Variants in MIS18BP1 observed in about 807,000 individuals in gnomAD.
The protein encoded by MIS18BP1 is MIS18 binding protein 1.
MIS18BP1 carries 72 observed loss-of-function variants against 116.1 expected under a neutral mutation model. The ratio of observed to expected loss-of-function variants is 0.62; its 90% CI spans 0.51 to 0.75. The LOEUF (loss-of-function observed/expected upper bound fraction) is 0.75. MIS18BP1 is among the 30% of genes least tolerant of loss of function. The probability of loss-of-function intolerance (pLI) is 0.00; values close to 1 mark genes in which losing one functional copy is unlikely to be tolerated. For missense variants in MIS18BP1, 1,363 were observed against 1,303.2 expected (o/e 1.05, Z -0.71); for synonymous variants, 386 against 427.0 (o/e 0.90, Z 1.18).
At chr14:45,226,937 A>ACTTACAG in intron 9 of MIS18BP1, 101 bp from the exon 10 acceptor site, 1 of 1,039,848 alleles carries the variant, frequency 9.6e-7, no homozygotes, top group South Asian at 2.6e-5. Flanking sequence ...ATTTCTAGGT[A>ACTTACAG]CTTACAGTTC....
At chr14:45,207,895 G>A (rs1301796721) in intron 14 of MIS18BP1, among the ~76,000 whole-genome samples, 2 of 152,110 alleles carry the variant, frequency 1.3e-5, no homozygotes, top group African/African-American at 4.8e-5. Flanking sequence ...CATAACATAA[G>A]TGAATCTATC....
At position 45,246,818 on chromosome 14, in the gene MIS18BP1, T is replaced by G; in HGVS notation, c.469A>C (p.Lys157Gln). The change falls in exon 2 of 17, where the codon AAA becomes CAA. Residue 157 changes from lysine to glutamine, a missense_variant. Lys to Gln is a moderately conservative substitution (Grantham distance 53). Coordinates refer to ENST00000310806, the MANE Select transcript of MIS18BP1 (RefSeq NM_018353.5). Reference sequence around the variant, plus strand: ...TCACATAGGTAGGTATGCTGCAATTTTTTTTTTTCAACTCTGTTAGGAGTG... The same window carrying G: ...TCACATAGGTAGGTATGCTGCAATTGTTTTTTTTCAACTCTGTTAGGAGTG... ...TFTPNRVEKK[K>Q]LQHTYLCEEK... is the part of the protein sequence containing the mutation. The G allele has an allele frequency of 6.3e-7, 1 of 1,594,322 alleles. No individual in the cohort carries two copies. The highest frequency in any genetic ancestry group is 8.5e-7 in the Non-Finnish European group (1 of 1,175,128).
chr14:45,244,969 A>G (rs562280790), intron 2 of MIS18BP1, among the ~76,000 whole-genome samples: 1 of 152,216 alleles, frequency 6.6e-6, no homozygotes, highest in South Asian at 2.1e-4. Flanking sequence ...TTCCTACTCC[A>G]TTATTCCCAA....
Position 45,249,589 on chromosome 14 carries a change from G to A in MIS18BP1, c.-91-2212C>T, listed in dbSNP as rs369143130. On this transcript the variant is annotated intron_variant, in intron 1 of 16. Coordinates refer to ENST00000310806, the MANE Select transcript of MIS18BP1 (RefSeq NM_018353.5). ...CTCAAAATCAAAAATGAATAAACTC[G>A]GCTGAGCACAGTGGCTCACGCCTAT... 1.4e-3 allele frequency among the ~76,000 whole-genome samples: 210 copies of A among 152,284 alleles called. 1 individual carries two copies. In the Middle Eastern group the frequency reaches 0.024, roughly 17 times the overall value.
chr14:45,210,606 C>CT, intron 13 of MIS18BP1, 78 bp from the exon 14 acceptor site: 1 of 1,546,320 alleles, frequency 6.5e-7, no homozygotes, highest in Non-Finnish European at 8.8e-7. Context: ...TTTTGGAGGA[C>CT]TGATAAGTTG....
At chr14:45,212,337 T>C (rs1488326996) in intron 13 of MIS18BP1, among the ~76,000 whole-genome samples, 4 of 152,120 alleles carry the variant, frequency 2.6e-5, no homozygotes, top group Non-Finnish European at 5.9e-5. Flanking sequence ...CCCTGGGCCA[T>C]AAACACCGTT....
chr14:45,209,454 A>G (rs1054752906), intron 14 of MIS18BP1, among the ~76,000 whole-genome samples: 3 of 152,022 alleles, frequency 2.0e-5, no homozygotes, highest in East Asian at 3.9e-4. Flanking sequence ...CAGCCTCCCT[A>G]GTAGCTAGGG....
At chr14:45,236,399 AG>A (rs1024333796) in intron 5 of MIS18BP1, among the ~76,000 whole-genome samples, 12 of 152,208 alleles carry the variant, frequency 7.9e-5, no homozygotes, top group African/African-American at 2.9e-4. Flanking sequence ...TCATTTTGGA[AG>A]GTACCAAATG....
rs753029335 is a variant in MIS18BP1 at position 45,218,446 on chromosome 14, G to A, written c.2678C>T (p.Ala893Val). 53 of 1,601,450 alleles carry A rather than the reference G, an allele frequency of 3.3e-5. No individual in the cohort carries two copies. The highest frequency in any genetic ancestry group is 3.6e-5 in the Non-Finnish European group (42 of 1,177,166). Residue 893 changes from alanine to valine, a missense_variant, in exon 12 of 17, where the codon GCA becomes GTA. By Grantham distance (64) the Ala-to-Val change is moderately conservative (BLOSUM62 0). Coordinates refer to ENST00000310806, the MANE Select transcript of MIS18BP1 (RefSeq NM_018353.5). ...ACCAGGTTTGTGCTTTGGAAGAGAT[G>A]CAAAAGCACTATGGAAGATCAAAAC... Reference protein sequence around the residue: ...KELQKLHCAFASLPKHKPGFW... With the variant: ...KELQKLHCAFVSLPKHKPGFW...
chr14:45,226,064 T>A (rs552081460), intron 10 of MIS18BP1, among the ~76,000 whole-genome samples: 11 of 152,306 alleles, frequency 7.2e-5, no homozygotes, highest in African/African-American at 2.6e-4. Flanking sequence ...ATTCAAATGT[T>A]TACCTGGGAA....
intron 4 of MIS18BP1, 74 bp downstream of exon 4, chr14:45,241,960 G>T: frequency 6.9e-7 from 1 of 1,449,230 alleles, no homozygotes; most frequent in Non-Finnish European, 9.3e-7. Flanking sequence ...AATAATGAGA[G>T]AACATTAAAA....
At chr14:45,247,686 C>T (rs1868627392) in intron 1 of MIS18BP1, among the ~76,000 whole-genome samples, 1 of 151,728 alleles carries the variant, frequency 6.6e-6, no homozygotes, top group African/African-American at 2.4e-5. Context: ...GGTGACAGAG[C>T]AAGACCTTGT....
At chr14:45,246,655 C>T (rs984835970) in intron 2 of MIS18BP1, 88 bp downstream of exon 2, 6 of 1,233,514 alleles carry the variant, frequency 4.9e-6, no homozygotes, top group African/African-American at 1.6e-5. Flanking sequence ...CCATTTTGTT[C>T]ACTGCTATAT....
At position 45,227,679 on chromosome 14, in the gene MIS18BP1, TCTC is replaced by T; in HGVS notation, c.1727_1729del (p.Gly576del). 6.2e-7 allele frequency: 1 copy of T among 1,613,348 alleles called. No homozygotes were observed. Among genetic ancestry groups the T allele is most frequent in the South Asian group, 1.1e-5 (1 of 91,058 alleles). ...AAGCCTTACCTGATTAGATAAGTCATCTCCTCCTCCATTTTGAATAGTATTATT... is the reference window on the plus strand; with the variant it reads ...AAGCCTTACCTGATTAGATAAGTCATCTCCTCCATTTTGAATAGTATTATT... On this transcript the variant is annotated inframe_deletion, in exon 9 of 17. Coordinates refer to ENST00000310806, the MANE Select transcript of MIS18BP1 (RefSeq NM_018353.5).
intron 8 of MIS18BP1, among the ~76,000 whole-genome samples, chr14:45,228,224 G>C (rs1023658254): frequency 2.6e-5 from 4 of 152,094 alleles, no homozygotes; most frequent in Non-Finnish European, 2.9e-5. Flanking sequence ...AATTTGACTA[G>C]GATATAAAGC....
At chr14:45,212,161 A>G (rs1890691487) in intron 13 of MIS18BP1, among the ~76,000 whole-genome samples, 1 of 152,104 alleles carries the variant, frequency 6.6e-6, no homozygotes, top group African/African-American at 2.4e-5. Flanking sequence ...AGCCCTCTTA[A>G]CTGGGGATTT....
In MIS18BP1 at chr14:45,232,793, A is replaced by C. The variant is rs1891324524; in HGVS notation, c.1376T>G (p.Phe459Cys). Residue 459 changes from phenylalanine to cysteine, a missense_variant, in exon 7 of 17, where the codon TTT (phenylalanine) becomes TGT (cysteine). By Grantham distance (205) the Phe-to-Cys change is radical. Coordinates refer to ENST00000310806, the MANE Select transcript of MIS18BP1 (RefSeq NM_018353.5). ...CCAATTTTCTGGAAATCCAAACATAAATTTCCTTATGAGATAATTTGGATA... is the reference window on the plus strand; with the variant it reads ...CCAATTTTCTGGAAATCCAAACATACATTTCCTTATGAGATAATTTGGATA... Reference protein sequence around the residue: ...AGYPNYLIRKFMFGFPENWKE... With the variant: ...AGYPNYLIRKCMFGFPENWKE... The C allele has an allele frequency of 6.8e-7, 1 of 1,465,270 alleles. No homozygotes were observed. The highest frequency in any genetic ancestry group is 2.4e-5 in the East Asian group (1 of 41,094). The allele number at this position is 1,465,270 out of a possible 1,614,324, so 90.8% of individuals were successfully genotyped here. A position where few individuals can be genotyped will look rare whatever the true frequency, so the allele number is the denominator to read the frequency against.
rs1440320653 is a variant in MIS18BP1, at chr14:45,203,487, C to G, written c.*622G>C. The G allele has an allele frequency of 6.6e-6, 1 of 151,784 alleles. No homozygotes were observed. The highest frequency in any genetic ancestry group is 1.5e-5 in the Non-Finnish European group (1 of 67,938). The allele number at this position is 151,784 out of a possible 1,614,324, so 9.4% of individuals were successfully genotyped here. ...GAACAAAATCTGTTCTCTAATTTTA[C>G]CTAGTAAAATAATGGTAAAGCAATA... is the stretch of plus-strand genomic sequence containing the variant. On this transcript the variant is annotated 3_prime_UTR_variant, in exon 17 of 17. Coordinates refer to ENST00000310806, the MANE Select transcript of MIS18BP1 (RefSeq NM_018353.5).
In MIS18BP1 at chr14:45,243,149, T is replaced by C. The variant is rs1268577; in HGVS notation, c.545-275A>G. Among the ~76,000 whole-genome samples the C allele has an allele frequency of 7.3e-3, 1,118 of 152,270 alleles. 22 individuals carry two copies. Among genetic ancestry groups the C allele is most frequent in the African/African-American group, 0.026 (1,062 of 41,556 alleles). ...AACCCGCCAGCTCTAGACAAAAGTA[T>C]TGGACTTAGAAACCTAGAGATCTGA... On this transcript the variant is annotated intron_variant, in intron 2 of 16. Transcript: ENST00000310806.
Sources: allele counts gnomAD v4.1 joint callset (sites outside exome capture counted in the v4.1 genomes callset), GRCh38; gene constraint gnomAD v4.1.1; transcripts MANE v1.5; gene names NCBI Gene and HGNC (gene_info 2026-07-23, HGNC 2026-07-21).